PTPRD: variants seen among roughly 807,000 people sequenced by gnomAD.
PTPRD encodes the protein protein tyrosine phosphatase receptor type D, also known as receptor-type tyrosine-protein phosphatase delta.
In PTPRD, 34 loss-of-function variants were observed where a neutral mutation model predicts 214.5. The ratio of observed to expected loss-of-function variants is 0.16; its 90% CI spans 0.12 to 0.21. PTPRD has a LOEUF of 0.21. PTPRD is among the 10% of genes least tolerant of loss of function. The probability of loss-of-function intolerance (pLI) is 1.00; values close to 1 mark genes in which losing one functional copy is unlikely to be tolerated. For synonymous variants in PTPRD, 1,128 were observed against 845.7 expected, an observed-to-expected ratio of 1.33 and a Z score of -5.79; for missense variants, 2,545 against 2,398.7, an observed-to-expected ratio of 1.06 and a Z score of -1.27.
At chr9:10,065,982 A>C (rs995700459) in intron 3 of PTPRD, among the ~76,000 whole-genome samples, 3 of 151,928 alleles carry the variant, frequency 2.0e-5, no homozygotes, top group African/African-American at 4.8e-5. Flanking sequence ...ATAGCACAAA[A>C]GTAGCTAAAT....
At chr9:10,436,032 G>C (rs188435686) in intron 2 of PTPRD, among the ~76,000 whole-genome samples, 43 of 151,904 alleles carry the variant, frequency 2.8e-4, no homozygotes, top group African/African-American at 8.9e-4. Context: ...GATGATTAAA[G>C]CGGTATAACA....
chr9:8,650,206 A>G (rs1201418684), intron 12 of PTPRD, among the ~76,000 whole-genome samples: 28 of 151,754 alleles, frequency 1.8e-4, no homozygotes, highest in Non-Finnish European at 4.4e-5. Flanking sequence ...GCATGAGCCC[A>G]CACTCAGCAA....
rs187517877 is a variant in PTPRD, at chr9:8,957,891, C to T, written c.-104+60806G>A. On this transcript the variant is annotated intron_variant, in intron 11 of 45. Coordinates refer to ENST00000381196, the MANE Select transcript of PTPRD (RefSeq NM_002839.4). ...ACAAAACAGAAAAGAATGCTATAGT[C>T]CCAAATGAAAAAAAAAATATCATTC... 8.6e-4 allele frequency among the ~76,000 whole-genome samples: 130 copies of T among 151,058 alleles called. 2 individuals are homozygous for T. The highest frequency in any genetic ancestry group is 3.4e-3 in the Middle Eastern group (1 of 292).
At chr9:9,846,901 A>C (rs1055728776) in intron 5 of PTPRD, among the ~76,000 whole-genome samples, 10 of 152,188 alleles carry the variant, frequency 6.6e-5, no homozygotes, top group Admixed American at 5.9e-4. Context: ...GATTATGATA[A>C]AGGTTTTATC....
chr9:8,618,225 G>A (rs1013261092), intron 14 of PTPRD, among the ~76,000 whole-genome samples: 4 of 151,972 alleles, frequency 2.6e-5, no homozygotes, highest in Non-Finnish European at 5.9e-5. Context: ...ACGAGTTTGG[G>A]GCCATAGAAA....
intron 12 of PTPRD, among the ~76,000 whole-genome samples, chr9:8,712,477 G>A (rs1056590021): frequency 5.3e-5 from 8 of 151,142 alleles, no homozygotes; most frequent in Admixed American, 4.6e-4. Flanking sequence ...GAAAGAAGCT[G>A]GGCAGGATGA....
intron 14 of PTPRD, among the ~76,000 whole-genome samples, chr9:8,544,295 T>C (rs1447081136): frequency 6.7e-6 from 1 of 149,980 alleles, no homozygotes; most frequent in Admixed American, 6.7e-5. Context: ...GCCTCCCGAG[T>C]GATCTCGAAC....
At chr9:9,504,338 G>C (rs2096519839) in intron 8 of PTPRD, among the ~76,000 whole-genome samples, 1 of 151,550 alleles carries the variant, frequency 6.6e-6, no homozygotes, top group African/African-American at 2.4e-5. Context: ...TCCAGATATA[G>C]AGATTTCATA....
chr9:8,355,306 T>TTGTAG (rs2076698154), intron 39 of PTPRD, among the ~76,000 whole-genome samples: 1 of 152,216 alleles, frequency 6.6e-6, no homozygotes, highest in South Asian at 2.1e-4. Flanking sequence ...CTTGCTGTAC[T>TTGTAG]GCCTGCCAGA....
intron 5 of PTPRD, among the ~76,000 whole-genome samples, chr9:9,903,806 T>A (rs1400537672): frequency 6.6e-6 from 1 of 152,138 alleles, no homozygotes; most frequent in Non-Finnish European, 1.5e-5. Flanking sequence ...CTAATTAACA[T>A]GAAGCACCAT....
intron 11 of PTPRD, among the ~76,000 whole-genome samples, chr9:8,813,655 G>A (rs767354195): frequency 3.3e-5 from 5 of 152,126 alleles, no homozygotes; most frequent in East Asian, 1.9e-4. Flanking sequence ...TTACAGGTAC[G>A]AGCCACCGCG....
intron 11 of PTPRD, among the ~76,000 whole-genome samples, chr9:8,972,683 T>C (rs918490112): frequency 2.0e-5 from 3 of 151,994 alleles, no homozygotes; most frequent in African/African-American, 7.2e-5. Flanking sequence ...ATTTCCTTTT[T>C]CAGTAAGAAA....
chr9:9,761,453 G>A (rs1203034247), intron 6 of PTPRD, among the ~76,000 whole-genome samples: 1 of 152,130 alleles, frequency 6.6e-6, no homozygotes, highest in East Asian at 1.9e-4. Flanking sequence ...TGCTCGTAGT[G>A]TTGGAACTAT....
intron 11 of PTPRD, among the ~76,000 whole-genome samples, chr9:8,773,569 C>A (rs2095330641): frequency 6.6e-6 from 1 of 152,110 alleles, no homozygotes; most frequent in African/African-American, 2.4e-5. Context: ...TGGTCCCTAT[C>A]CTACTTGCTC....
At chr9:8,481,284 T>G (rs1410352751) in intron 30 of PTPRD, among the ~76,000 whole-genome samples, 2 of 147,264 alleles carry the variant, frequency 1.4e-5, no homozygotes, top group African/African-American at 5.0e-5. Flanking sequence ...TTCTTTTCAC[T>G]GATTTTAGTA....
intron 43 of PTPRD, among the ~76,000 whole-genome samples, 156 bp downstream of exon 43, chr9:8,338,766 A>G (rs1849411414): frequency 1.0e-5 from 1 of 95,662 alleles, no homozygotes; most frequent in Non-Finnish European, 2.3e-5. Context: ...AGTTACTCTT[A>G]CATATTAAAC....
chr9:10,232,652 G>T (rs1305135474), intron 3 of PTPRD, among the ~76,000 whole-genome samples: 1 of 151,944 alleles, frequency 6.6e-6, no homozygotes, highest in Non-Finnish European at 1.5e-5. Context: ...AAGAAGAGGG[G>T]TAAATTCCTT....
intron 5 of PTPRD, among the ~76,000 whole-genome samples, chr9:9,932,882 G>A (rs1248046254): frequency 7.5e-6 from 1 of 133,230 alleles, no homozygotes; most frequent in Non-Finnish European, 1.7e-5. Flanking sequence ...AGATCTCTCG[G>A]CAGAAACCCT....
intron 2 of PTPRD, among the ~76,000 whole-genome samples, chr9:10,552,241 G>A (rs937581137): frequency 6.8e-6 from 1 of 147,306 alleles, no homozygotes; most frequent in African/African-American, 2.5e-5. Context: ...TAATAGAACA[G>A]AAAACCAAGC....
Sources: gnomAD v4.1 joint callset for allele counts (sites outside exome capture counted in the v4.1 genomes callset) on GRCh38, gnomAD v4.1.1 for gene constraint, MANE v1.5 for transcripts, NCBI Gene and HGNC (gene_info 2026-07-23, HGNC 2026-07-21) for gene names.